Variants in SCN9A observed in about 807,000 individuals in gnomAD.
SCN9A encodes the protein sodium channel protein type 9 subunit alpha.
A neutral mutation model predicts 187.0 loss-of-function variants in SCN9A; 131 were observed. The observed-to-expected ratio is 0.70, with a 90% CI of 0.61 to 0.81. The LOEUF (loss-of-function observed/expected upper bound fraction) is 0.81, where lower values mean the gene tolerates loss of function less well. Ranked by LOEUF, SCN9A falls within the 30% of genes least tolerant of loss-of-function variation. The probability of loss-of-function intolerance (pLI) is 0.00; values close to 1 mark genes in which losing one functional copy is unlikely to be tolerated. For synonymous variants in SCN9A, 809 were observed against 808.6 expected, an observed-to-expected ratio of 1.00 and a Z score of -0.01; for missense variants, 2,252 against 2,396.6, an observed-to-expected ratio of 0.94 and a Z score of 1.26.
intron 17 of SCN9A, among the ~76,000 whole-genome samples, chr2:166,267,335 TG>T (rs1696785411): frequency 1.3e-5 from 2 of 152,102 alleles, no homozygotes; most frequent in Non-Finnish European, 2.9e-5. Flanking sequence ...TGTTTCATTC[TG>T]TTGATATAAT....
intron 2 of SCN9A, 129 bp downstream of exon 2, chr2:166,311,370 A>ATATATG (rs1553497910): frequency 1.3e-4 from 16 of 121,892 alleles, no homozygotes; most frequent in African/African-American, 4.9e-4. Context: ...ATATATATAT[A>ATATATG]TATATATTTA....
chr2:166,231,432 G>T (rs1695078751), intron 21 of SCN9A, among the ~76,000 whole-genome samples: 1 of 151,678 alleles, frequency 6.6e-6, no homozygotes, highest in African/African-American at 2.4e-5. Flanking sequence ...TAACAGTGAA[G>T]ATTTGGTAGG....
At chr2:166,213,969 T>C (rs1694208526) in intron 24 of SCN9A, among the ~76,000 whole-genome samples, 1 of 152,150 alleles carries the variant, frequency 6.6e-6, no homozygotes, top group African/African-American at 2.4e-5. Context: ...AAACCAAATT[T>C]GCAGCTACTT....
intron 25 of SCN9A, 25 bp from the exon 26 acceptor site, chr2:166,204,250 G>T: frequency 1.3e-6 from 2 of 1,596,818 alleles, no homozygotes; most frequent in South Asian, 1.1e-5. Context: ...GAATAATATC[G>T]AATGCAGAGT....
intron 1 of SCN9A, among the ~76,000 whole-genome samples, chr2:166,327,199 C>A (rs374397762): frequency 1.3e-5 from 2 of 152,090 alleles, no homozygotes; most frequent in Non-Finnish European, 2.9e-5. Context: ...CACTCTGTTG[C>A]CCAGGTTGCA....
At chr2:166,223,897 T>C (rs1329924878) in intron 24 of SCN9A, among the ~76,000 whole-genome samples, 1 of 151,874 alleles carries the variant, frequency 6.6e-6, no homozygotes, top group Non-Finnish European at 1.5e-5. Flanking sequence ...CAGGGAAGAG[T>C]GGAAAGAAAT....
intron 24 of SCN9A, among the ~76,000 whole-genome samples, chr2:166,212,361 A>G (rs76430224): frequency 0.086 from 13,091 of 152,294 alleles, 598 homozygotes; most frequent in African/African-American, 0.11. Flanking sequence ...GCCAAAATAG[A>G]TTTTAAATAA....
chr2:166,205,330 C>G (rs930198760), intron 24 of SCN9A: 6 of 152,186 alleles, frequency 3.9e-5, no homozygotes, highest in African/African-American at 7.2e-5. Context: ...ACCAACAGAA[C>G]AGAACAGAGG....
At chr2:166,241,159 T>C (rs1273348034) in intron 19 of SCN9A, among the ~76,000 whole-genome samples, 4 of 152,138 alleles carry the variant, frequency 2.6e-5, no homozygotes, top group African/African-American at 9.7e-5. Context: ...TCCAAACTCA[T>C]GAAGACTGTC....
intron 1 of SCN9A, among the ~76,000 whole-genome samples, chr2:166,349,220 C>A (rs2105295387): frequency 6.6e-6 from 1 of 152,274 alleles, no homozygotes; most frequent in African/African-American, 2.4e-5. Context: ...TCTTATTCAT[C>A]TTTCTACTCC....
intron 7 of SCN9A, chr2:166,298,783 C>T (rs920299280): frequency 1.3e-5 from 2 of 152,178 alleles, no homozygotes; most frequent in African/African-American, 4.8e-5. Context: ...ATGCTGGCTA[C>T]CAAATGGCTG....
chr2:166,284,019 A>G (rs1697614311), intron 12 of SCN9A, among the ~76,000 whole-genome samples: 1 of 152,204 alleles, frequency 6.6e-6, no homozygotes, highest in African/African-American at 2.4e-5. Context: ...CAACTCAAAT[A>G]AGATTCCTTG....
At chr2:166,281,852 A>G in intron 12 of SCN9A, 44 bp from the exon 13 acceptor site, 1 of 1,554,238 alleles carries the variant, frequency 6.4e-7, no homozygotes, top group East Asian at 2.3e-5. Flanking sequence ...GAATCCTAAT[A>G]AATTGTAGGT....
chr2:166,242,464 C>T (rs1695607854), intron 19 of SCN9A, 38 bp downstream of exon 19: 1 of 1,448,452 alleles, frequency 6.9e-7, no homozygotes, highest in Non-Finnish European at 9.3e-7. Flanking sequence ...AGAATATTGA[C>T]TTAATCAATA....
chr2:166,225,458 C>T (rs958537661), intron 24 of SCN9A, among the ~76,000 whole-genome samples: 3 of 152,086 alleles, frequency 2.0e-5, no homozygotes, highest in African/African-American at 4.8e-5. Context: ...GTACAAGATA[C>T]ATCGAATTTA....
Position 166,307,041 on chromosome 2 carries a change from A to G in SCN9A, c.292T>C (p.Phe98Leu), listed in dbSNP as rs531083937. The G allele has an allele frequency of 6.2e-7, 1 of 1,611,238 alleles. No homozygotes were observed. The highest frequency in any genetic ancestry group is 1.3e-5 in the African/African-American group (1 of 74,988). ...AAAGCAGGTGTGGCATTGAAACGGAAGATTGTTTTCCCTTTGTTCAATACT... is the reference window on the plus strand; with the variant it reads ...AAAGCAGGTGTGGCATTGAAACGGAGGATTGTTTTCCCTTTGTTCAATACT... ...FIVLNKGKTI[F>L]RFNATPALYM... Residue 98 changes from phenylalanine (F) to leucine (L), a missense_variant, in exon 3 of 27, where the codon TTC becomes CTC. Phe to Leu is a conservative substitution (Grantham distance 22). Transcript: ENST00000642356.
intron 1 of SCN9A, among the ~76,000 whole-genome samples, chr2:166,347,642 T>C (rs1181030697): frequency 3.3e-5 from 5 of 152,224 alleles, no homozygotes; most frequent in Admixed American, 6.5e-5. Flanking sequence ...AACACACCTG[T>C]GGCATTGCTG....
chr2:166,290,341 A>G (rs1319553254), intron 9 of SCN9A, among the ~76,000 whole-genome samples: 1 of 152,006 alleles, frequency 6.6e-6, no homozygotes, highest in Admixed American at 6.6e-5. Flanking sequence ...AGTTGATTCC[A>G]TCTCTTTGCT....
chr2:166,258,691 A>G (rs1696381243), intron 17 of SCN9A, among the ~76,000 whole-genome samples: 1 of 151,704 alleles, frequency 6.6e-6, no homozygotes, highest in Non-Finnish European at 1.5e-5. Flanking sequence ...TTGCTTATCC[A>G]TAAATACATA....
Sources: gnomAD v4.1 joint callset for allele counts (sites outside exome capture counted in the v4.1 genomes callset) on GRCh38, gnomAD v4.1.1 for gene constraint, MANE v1.5 for transcripts, NCBI Gene and HGNC (gene_info 2026-07-23, HGNC 2026-07-21) for gene names.